Variants in CCSER1 observed in about 807,000 individuals in gnomAD.
CCSER1 encodes coiled-coil serine rich protein 1.
CCSER1 carries 41 observed loss-of-function variants against 82.0 expected under a neutral mutation model. The ratio of observed to expected loss-of-function variants is 0.50; its 90% CI spans 0.39 to 0.65. The LOEUF (loss-of-function observed/expected upper bound fraction) is 0.65. Among genes scored for constraint, CCSER1 ranks in the 30% least tolerant of loss-of-function variants. CCSER1 has a pLI of 0.00. For synonymous variants in CCSER1, 414 were observed against 383.9 expected (o/e 1.08, Z -0.92); for missense variants, 1,119 against 1,064.2 (o/e 1.05, Z -0.72).
intron 3 of CCSER1, among the ~76,000 whole-genome samples, chr4:90,396,700 A>G (rs367760731): frequency 3.7e-4 from 56 of 152,078 alleles, no homozygotes; most frequent in African/African-American, 1.3e-3. Flanking sequence ...TGCTTTCCTT[A>G]TCTAGCTTTT....
chr4:91,490,967 T>TA (rs566513822), intron 10 of CCSER1, among the ~76,000 whole-genome samples: 3 of 107,930 alleles, frequency 2.8e-5, no homozygotes, highest in Admixed American at 1.2e-4. Context: ...AATTAAAAAT[T>TA]AAAAAAAATA....
At chr4:90,202,523 C>A (rs1737955569) in intron 1 of CCSER1, among the ~76,000 whole-genome samples, 1 of 152,164 alleles carries the variant, frequency 6.6e-6, no homozygotes. Context: ...TGTTTAAATT[C>A]TGTTTATTAC....
At chr4:90,469,313 T>C (rs554232939) in intron 5 of CCSER1, among the ~76,000 whole-genome samples, 3 of 152,214 alleles carry the variant, frequency 2.0e-5, no homozygotes, top group Admixed American at 2.0e-4. Flanking sequence ...TATTCAGTAT[T>C]AATATTCTTA....
At chr4:91,380,928 A>G (rs994243280) in intron 10 of CCSER1, among the ~76,000 whole-genome samples, 10 of 152,118 alleles carry the variant, frequency 6.6e-5, no homozygotes, top group African/African-American at 2.4e-4. Context: ...AGGAGCTCTT[A>G]TAGGACAGGC....
rs1018498490 is a variant in CCSER1 at position 91,012,318 on chromosome 4, G to A, written c.2173-73632G>A. ...GACAGGGCATAGCAGTGACTGGGAG[G>A]GGTACATGGAGCAGCTCTGCCAAGG... On this transcript the variant is annotated intron_variant, in intron 9 of 10. Coordinates refer to ENST00000509176, the MANE Select transcript of CCSER1 (RefSeq NM_001145065.2). Among the ~76,000 whole-genome samples, 2 of 133,764 alleles carry A rather than the reference G, an allele frequency of 1.5e-5. 1 individual carries two copies. Among genetic ancestry groups the A allele is most frequent in the Non-Finnish European group, 3.5e-5 (2 of 57,372 alleles). The allele number at this position is 133,764 out of a possible 152,430, so 87.8% of individuals were successfully genotyped here.
chr4:90,163,015 T>C (rs1729750750), intron 1 of CCSER1, among the ~76,000 whole-genome samples: 1 of 152,180 alleles, frequency 6.6e-6, no homozygotes, highest in Non-Finnish European at 1.5e-5. Flanking sequence ...TTTTTATTCC[T>C]GTGTTTGTTT....
At chr4:90,807,591 C>T (rs1262426000) in intron 7 of CCSER1, among the ~76,000 whole-genome samples, 1 of 151,440 alleles carries the variant, frequency 6.6e-6, no homozygotes, top group Non-Finnish European at 1.5e-5. Flanking sequence ...TTAAAAGTTT[C>T]TGGGTAAAAT....
At chr4:91,275,691 T>G (rs1393951707) in intron 10 of CCSER1, among the ~76,000 whole-genome samples, 1 of 152,216 alleles carries the variant, frequency 6.6e-6, no homozygotes, top group African/African-American at 2.4e-5. Context: ...GAATCTCATT[T>G]GCCTACTTGT....
chr4:90,933,132 A>AGTGTGTGTGTGTGTGTGT lies in CCSER1; in HGVS notation c.2172+9719_2172+9736dup, dbSNP rs536402295. ...TGTTGTTCCAAAAATGTTACCTAGAAGTGTGTGTGTGTGTGTGTGTGTGTG... is the reference window on the plus strand; with the variant it reads ...TGTTGTTCCAAAAATGTTACCTAGAAGTGTGTGTGTGTGTGTGTGTGTGTGTGTGTGTGTGTGTGTGTG... On this transcript the variant is annotated intron_variant, in intron 9 of 10. Coordinates refer to ENST00000509176, the MANE Select transcript of CCSER1 (RefSeq NM_001145065.2). 2.6e-4 allele frequency among the ~76,000 whole-genome samples: 18 copies of AGTGTGTGTGTGTGTGTGT among 70,180 alleles called. 1 individual carries two copies. Among genetic ancestry groups the AGTGTGTGTGTGTGTGTGT allele is most frequent in the African/African-American group, 7.2e-4 (10 of 13,814 alleles). The allele number at this position is 70,180 out of a possible 152,430, so 46.0% of individuals were successfully genotyped here.
intron 6 of CCSER1, among the ~76,000 whole-genome samples, chr4:90,687,842 GA>G (rs1485211912): frequency 2.0e-5 from 3 of 152,106 alleles, no homozygotes; most frequent in African/African-American, 7.2e-5. Flanking sequence ...AACAAGAAGT[GA>G]TTACTTCACA....
At chr4:90,354,493 GCACA>G (rs1436185110) in intron 3 of CCSER1, among the ~76,000 whole-genome samples, 1 of 151,900 alleles carries the variant, frequency 6.6e-6, no homozygotes, top group African/African-American at 2.4e-5. Flanking sequence ...CTCAACACAC[GCACA>G]CAAACACACA....
At chr4:91,407,564 G>A (rs1047451636) in intron 10 of CCSER1, among the ~76,000 whole-genome samples, 1 of 152,122 alleles carries the variant, frequency 6.6e-6, no homozygotes, top group Non-Finnish European at 1.5e-5. Flanking sequence ...AAAGAAAAGA[G>A]GTTTATTTGG....
At chr4:90,331,654 A>G (rs566967674) in intron 3 of CCSER1, among the ~76,000 whole-genome samples, 3 of 152,176 alleles carry the variant, frequency 2.0e-5, no homozygotes, top group Non-Finnish European at 2.9e-5. Context: ...AACAGCCCAC[A>G]ACCAAATCTG....
At position 91,339,924 on chromosome 4, in the gene CCSER1, C is replaced by T. The variant is rs546493614; in HGVS notation, c.2217+253930C>T. ...ACGAGGTCAGGAGTTCAAGACCAGCCTGATCAACATGGTGAAACCCCATCT... is the reference window on the plus strand; with the variant it reads ...ACGAGGTCAGGAGTTCAAGACCAGCTTGATCAACATGGTGAAACCCCATCT... On this transcript the variant is annotated intron_variant, in intron 10 of 10. Coordinates refer to ENST00000509176, the MANE Select transcript of CCSER1 (RefSeq NM_001145065.2). 3.9e-5 allele frequency among the ~76,000 whole-genome samples: 6 copies of T among 152,182 alleles called. No homozygotes were observed. The East Asian group carries it at 1.2e-3, about 29-fold the overall frequency.
chr4:91,490,221 C>A (rs1368925773), intron 10 of CCSER1, among the ~76,000 whole-genome samples: 2 of 152,154 alleles, frequency 1.3e-5, no homozygotes, highest in Non-Finnish European at 2.9e-5. Flanking sequence ...AACATATGAT[C>A]TAGCAATCCC....
At chr4:91,375,153 A>C (rs1486350283) in intron 10 of CCSER1, among the ~76,000 whole-genome samples, 6 of 152,180 alleles carry the variant, frequency 3.9e-5, no homozygotes, top group Admixed American at 3.9e-4. Flanking sequence ...TATAAATATC[A>C]ACATTAACAG....
At chr4:91,275,697 C>T (rs1324167022) in intron 10 of CCSER1, among the ~76,000 whole-genome samples, 1 of 151,974 alleles carries the variant, frequency 6.6e-6, no homozygotes, top group Non-Finnish European at 1.5e-5. Flanking sequence ...CATTTGCCTA[C>T]TTGTGTTTTT....
intron 5 of CCSER1, among the ~76,000 whole-genome samples, chr4:90,566,480 G>T (rs1328600016): frequency 1.3e-5 from 2 of 151,268 alleles, no homozygotes; most frequent in East Asian, 3.9e-4. Context: ...TTTCTGTGAT[G>T]GGATAGTTTT....
chr4:90,512,264 A>G (rs945091024), intron 5 of CCSER1, among the ~76,000 whole-genome samples: 1 of 151,034 alleles, frequency 6.6e-6, no homozygotes, highest in African/African-American at 2.4e-5. Context: ...GGGTTCTACT[A>G]TGGTGCCTTG....
Sources: gnomAD v4.1 joint callset for allele counts (sites outside exome capture counted in the v4.1 genomes callset) on GRCh38, gnomAD v4.1.1 for gene constraint, MANE v1.5 for transcripts, NCBI Gene and HGNC (gene_info 2026-07-23, HGNC 2026-07-21) for gene names.